RPP30: variants seen among roughly 807,000 people sequenced by gnomAD.
RPP30 encodes ribonuclease P protein subunit p30.
RPP30 carries 36 observed loss-of-function variants against 38.6 expected under a neutral mutation model. The observed-to-expected ratio is 0.93, with a 90% CI of 0.71 to 1.23. The LOEUF (loss-of-function observed/expected upper bound fraction) is 1.23, where lower values mean the gene tolerates loss of function less well. Among genes scored for constraint, RPP30 ranks in the 50% most tolerant of loss-of-function variants. The probability of loss-of-function intolerance (pLI) is 0.00; values close to 1 mark genes in which losing one functional copy is unlikely to be tolerated. For missense variants in RPP30, 321 were observed against 321.7 expected, an observed-to-expected ratio of 1.00 and a Z score of 0.02; for synonymous variants, 126 against 112.7, an observed-to-expected ratio of 1.12 and a Z score of -0.75.
intron 6 of RPP30, among the ~76,000 whole-genome samples, chr10:90,887,797 C>A (rs1847020762): frequency 1.3e-5 from 2 of 152,266 alleles, no homozygotes; most frequent in South Asian, 4.1e-4. Flanking sequence ...AGTGAAAAAC[C>A]ACTGAATCAC....
intron 10 of RPP30, among the ~76,000 whole-genome samples, chr10:90,899,207 C>T (rs1415599167): frequency 6.6e-6 from 1 of 152,114 alleles, no homozygotes; most frequent in Non-Finnish European, 1.5e-5. Context: ...TGACGTTTTT[C>T]ATTTGGTGAA....
At chr10:90,896,190 A>G in intron 9 of RPP30, 123 bp from the exon 10 acceptor site, 1 of 816,202 alleles carries the variant, frequency 1.2e-6, no homozygotes, top group Non-Finnish European at 2.1e-6. Context: ...AGTTGGACTA[A>G]GAACTGCTGT....
At chr10:90,903,340 A>AT, downstream of RPP30, 4 of 1,042,720 alleles carry the variant, frequency 3.8e-6, no homozygotes, top group Admixed American at 2.1e-5. Context: ...TGTATGTTCA[A>AT]TTTTTTGCGA....
At chr10:90,875,938 C>A (rs1846845926) in intron 3 of RPP30, 86 bp from the exon 4 acceptor site, 7 of 780,888 alleles carry the variant, frequency 9.0e-6, no homozygotes, top group Non-Finnish European at 1.6e-5. Context: ...ATAGCCAGTA[C>A]CTTTTAATGA....
intron 1 of RPP30, among the ~76,000 whole-genome samples, chr10:90,874,267 C>T (rs539509433): frequency 6.6e-6 from 1 of 152,244 alleles, no homozygotes; most frequent in East Asian, 1.9e-4. Context: ...TAAAGCAAGC[C>T]CTTGACCTCA....
At chr10:90,908,132 G>A (rs1847273325), downstream of RPP30, among the ~76,000 whole-genome samples, 1 of 152,156 alleles carries the variant, frequency 6.6e-6, no homozygotes, top group Non-Finnish European at 1.5e-5. Context: ...ACAACAGCTA[G>A]GATGTTGCTA....
rs1847198590 is a variant in RPP30 at position 90,901,263 on chromosome 10, A to G, written c.*584A>G. The G allele has an allele frequency of 5.1e-6, 5 of 982,702 alleles. No individual in the cohort carries two copies. Among genetic ancestry groups the G allele is most frequent in the South Asian group, 4.7e-5 (1 of 21,222 alleles). The allele number at this position is 982,702 out of a possible 1,614,324, so 60.9% of individuals were successfully genotyped here. A position where few individuals can be genotyped will look rare whatever the true frequency, so the allele number is the denominator to read the frequency against. ...TGGCCTCCTAAAGTGCTGGGATTAC[A>G]TGAGCCACCACATGCAGCCAGATGT... On this transcript the variant is annotated 3_prime_UTR_variant, in exon 11 of 11. Coordinates refer to ENST00000371703, the MANE Select transcript of RPP30 (RefSeq NM_006413.5).
chr10:90,890,328 A>AT (rs1847063830), intron 6 of RPP30, among the ~76,000 whole-genome samples: 1 of 152,076 alleles, frequency 6.6e-6, no homozygotes, highest in South Asian at 2.1e-4. Flanking sequence ...TTTCCCTTTG[A>AT]TTTTTTTACA....
At chr10:90,876,207 C>A in intron 4 of RPP30, 109 bp downstream of exon 4, 1 of 673,296 alleles carries the variant, frequency 1.5e-6, no homozygotes, top group Non-Finnish European at 2.6e-6. Context: ...CTCGCCCCCG[C>A]CAAACCATGA....
At chr10:90,876,161 A>G in intron 4 of RPP30, 63 bp downstream of exon 4, 2 of 1,066,104 alleles carry the variant, frequency 1.9e-6, no homozygotes. Flanking sequence ...AATGTTGAAC[A>G]ATGTTGCATT....
chr10:90,906,894 T>G (rs1847259303), downstream of RPP30, among the ~76,000 whole-genome samples: 1 of 152,176 alleles, frequency 6.6e-6, no homozygotes, highest in Non-Finnish European at 1.5e-5. Context: ...GTTGAGTCAG[T>G]GAGAAGGCAA....
chr10:90,899,492 T>C (rs995621699), intron 10 of RPP30, among the ~76,000 whole-genome samples: 1 of 152,230 alleles, frequency 6.6e-6, no homozygotes, highest in Non-Finnish European at 1.5e-5. Context: ...ATCTCTCTCT[T>C]TCTCCATAAT....
intron 6 of RPP30, among the ~76,000 whole-genome samples, chr10:90,893,220 A>G (rs1016977769): frequency 6.6e-6 from 1 of 152,192 alleles, no homozygotes; most frequent in African/African-American, 2.4e-5. Context: ...TTCGGGAGGG[A>G]AAAGCAGAAG....
At chr10:90,894,008 G>T (rs923018858) in intron 6 of RPP30, among the ~76,000 whole-genome samples, 1 of 152,182 alleles carries the variant, frequency 6.6e-6, no homozygotes, top group African/African-American at 2.4e-5. Context: ...ATTAAATAAA[G>T]AAGTTTCTGT....
At chr10:90,896,090 T>A (rs1186916741) in intron 9 of RPP30, among the ~76,000 whole-genome samples, 173 bp downstream of exon 9, 1 of 152,240 alleles carries the variant, frequency 6.6e-6, no homozygotes, top group African/African-American at 2.4e-5. Flanking sequence ...TTCTGTTTTT[T>A]AATTAATCAT....
rs1476083412 is a variant in RPP30 at position 90,896,381 on chromosome 10, T to G, written c.686T>G (p.Leu229Arg). The change falls in exon 10 of 11, where the codon CTT (leucine) becomes CGT (arginine). Residue 229 changes from leucine (L) to arginine (R), a missense_variant. Physicochemically the swap from Leu to Arg is moderately radical, Grantham distance 102. Transcript: ENST00000371703. ...GTGTCCACCAACTGCCGAGCAGCGC[T>G]TCTCCATGGAGGTAAGCAAGTTCTT... ...AAVSTNCRAA[L>R]LHGETRKTAF... is the part of the protein sequence containing the mutation. The G allele has an allele frequency of 1.2e-6, 2 of 1,613,988 alleles. No homozygotes were observed. Among genetic ancestry groups the G allele is most frequent in the Non-Finnish European group, 1.7e-6 (2 of 1,179,852 alleles).
chr10:90,902,736 G>A (rs1327412584), downstream of RPP30, among the ~76,000 whole-genome samples: 1 of 152,150 alleles, frequency 6.6e-6, no homozygotes, highest in African/African-American at 2.4e-5. Flanking sequence ...TGTTTTTTGT[G>A]TATATTAAAT....
intron 6 of RPP30, among the ~76,000 whole-genome samples, chr10:90,887,718 C>T (rs1330554278): frequency 2.0e-5 from 3 of 152,142 alleles, no homozygotes; most frequent in Non-Finnish European, 4.4e-5. Flanking sequence ...GTGAACATAA[C>T]AATATTGGCT....
rs1847200790 is a variant in RPP30 at position 90,901,398 on chromosome 10, T to TTAAG, written c.*720_*723dup. The stretch of plus-strand genomic sequence containing the variant: ...AGAAGTGACTTTAGTTCCTCTTGTT[T>TTAAG]TAAGCTTCTTTCATGTATTCAAATC... On this transcript the variant is annotated 3_prime_UTR_variant, in exon 11 of 11. Transcript: ENST00000371703. 1 of 984,550 alleles carries TTAAG rather than the reference T, an allele frequency of 1.0e-6. No homozygotes were observed. Among genetic ancestry groups the TTAAG allele is most frequent in the African/African-American group, 1.7e-5 (1 of 57,228 alleles). 61.0% of individuals were successfully genotyped at this position (984,550 alleles called of 1,614,324 possible). A position where few individuals can be genotyped will look rare whatever the true frequency, so the allele number is the denominator to read the frequency against.
Sources: allele counts gnomAD v4.1 joint callset (sites outside exome capture counted in the v4.1 genomes callset), GRCh38; gene constraint gnomAD v4.1.1; transcripts MANE v1.5; gene names NCBI Gene and HGNC (gene_info 2026-07-23, HGNC 2026-07-21).